TRAPPC9: variants seen among roughly 807,000 people sequenced by gnomAD.
TRAPPC9 encodes the protein IKK2 binding protein.
A neutral mutation model predicts 124.0 loss-of-function variants in TRAPPC9; 83 were observed. The observed-to-expected ratio is 0.67, with a 90% confidence interval of 0.56 to 0.80. The LOEUF (loss-of-function observed/expected upper bound fraction) is 0.80. Ranked by LOEUF, TRAPPC9 falls within the 30% of genes least tolerant of loss-of-function variation. The pLI, the probability that TRAPPC9 is intolerant of heterozygous loss-of-function variation, is 0.00. For missense variants in TRAPPC9, 1,302 were observed against 1,508.3 expected (o/e 0.86, Z 2.27); for synonymous variants, 638 against 617.5 (o/e 1.03, Z -0.49).
At chr8:140,028,088 A>C (rs1348606684) in intron 17 of TRAPPC9, among the ~76,000 whole-genome samples, 1 of 152,158 alleles carries the variant, frequency 6.6e-6, no homozygotes, top group Non-Finnish European at 1.5e-5. Context: ...AACCAGAAAT[A>C]ACAAAAAAAG....
chr8:140,323,120 G>A (rs2066641575), intron 9 of TRAPPC9, among the ~76,000 whole-genome samples: 1 of 152,158 alleles, frequency 6.6e-6, no homozygotes, highest in South Asian at 2.1e-4. Context: ...GTGGTCTAAC[G>A]AGTCATGGCT....
intron 18 of TRAPPC9, among the ~76,000 whole-genome samples, chr8:139,991,478 C>A (rs1432112149): frequency 2.0e-5 from 3 of 152,146 alleles, no homozygotes; most frequent in African/African-American, 7.2e-5. Flanking sequence ...TTTGTGCCAT[C>A]ATAATGTCAT....
intron 19 of TRAPPC9, among the ~76,000 whole-genome samples, chr8:139,949,981 T>A (rs1834533886): frequency 6.6e-6 from 1 of 152,224 alleles, no homozygotes; most frequent in South Asian, 2.1e-4. Context: ...TATAAATAAC[T>A]CTGCCCCACC....
At chr8:140,399,881 G>T (rs185915541) in intron 6 of TRAPPC9, among the ~76,000 whole-genome samples, 8 of 152,334 alleles carry the variant, frequency 5.3e-5, no homozygotes, top group Non-Finnish European at 8.8e-5. Flanking sequence ...ATCTTAAATT[G>T]TACTCCCACA....
chr8:139,844,834 G>T (rs78560302), intron 21 of TRAPPC9, among the ~76,000 whole-genome samples: 1 of 152,182 alleles, frequency 6.6e-6, no homozygotes, highest in African/African-American at 2.4e-5. Context: ...TTACAAATGC[G>T]ATGCCTTTGC....
intron 21 of TRAPPC9, among the ~76,000 whole-genome samples, chr8:139,766,442 C>A (rs185394955): frequency 6.1e-4 from 93 of 152,360 alleles, no homozygotes; most frequent in African/African-American, 2.2e-3. Context: ...TGGCTGTGCT[C>A]TGGGAGCCTC....
At chr8:140,054,101 T>A (rs1019510346) in intron 17 of TRAPPC9, among the ~76,000 whole-genome samples, 1 of 152,174 alleles carries the variant, frequency 6.6e-6, no homozygotes, top group African/African-American at 2.4e-5. Context: ...TGTTTTCACT[T>A]AAAAGTGGAA....
intron 21 of TRAPPC9, among the ~76,000 whole-genome samples, chr8:139,829,784 C>T (rs1825855257): frequency 6.6e-6 from 1 of 152,242 alleles, no homozygotes; most frequent in Admixed American, 6.5e-5. Flanking sequence ...TCCTTACTGT[C>T]TCTAGCGATG....
intron 2 of TRAPPC9, among the ~76,000 whole-genome samples, chr8:140,447,243 C>T (rs1290720259): frequency 6.6e-6 from 1 of 152,112 alleles, no homozygotes; most frequent in African/African-American, 2.4e-5. Flanking sequence ...TTTTAGCAAA[C>T]ACCAAACGCC....
intron 19 of TRAPPC9, among the ~76,000 whole-genome samples, chr8:139,969,787 T>A (rs1447955132): frequency 6.6e-6 from 1 of 152,228 alleles, no homozygotes. Flanking sequence ...ATTGTGTCTA[T>A]CTTGGGGAGT....
At chr8:140,126,070 C>T (rs1312919767) in intron 17 of TRAPPC9, among the ~76,000 whole-genome samples, 1 of 152,086 alleles carries the variant, frequency 6.6e-6, no homozygotes, top group Non-Finnish European at 1.5e-5. Flanking sequence ...CAGCACCAAG[C>T]CTGTCAAATC....
chr8:140,242,665 A>G (rs1383171549), intron 16 of TRAPPC9, among the ~76,000 whole-genome samples: 1 of 152,258 alleles, frequency 6.6e-6, no homozygotes, highest in East Asian at 1.9e-4. Flanking sequence ...CAGAGTCATT[A>G]CCATCATGTT....
At chr8:139,844,142 T>C (rs186750838) in intron 21 of TRAPPC9, among the ~76,000 whole-genome samples, 6 of 152,328 alleles carry the variant, frequency 3.9e-5, no homozygotes, top group Admixed American at 3.3e-4. Context: ...ATAGAGTGGC[T>C]TTCATCAAGG....
chr8:139,872,685 T>C (rs1182836113), intron 21 of TRAPPC9, among the ~76,000 whole-genome samples: 3 of 141,544 alleles, frequency 2.1e-5, no homozygotes, highest in Non-Finnish European at 4.6e-5. Context: ...GGTGGATGGG[T>C]TGGTGGGTAG....
At chr8:140,433,673 C>T (rs754342251) in intron 4 of TRAPPC9, among the ~76,000 whole-genome samples, 1 of 152,172 alleles carries the variant, frequency 6.6e-6, no homozygotes, top group Non-Finnish European at 1.5e-5. Flanking sequence ...GGAAAAGTAA[C>T]TGATGTCAAA....
Position 140,216,287 on chromosome 8 carries a change from C to T in TRAPPC9, c.2556+5172G>A, listed in dbSNP as rs187313332. Among the ~76,000 whole-genome samples, 14 of 152,214 alleles carry T rather than the reference C, an allele frequency of 9.2e-5. 1 individual carries two copies. The highest frequency in any genetic ancestry group is 3.1e-4 in the African/African-American group (13 of 41,540). The stretch of plus-strand genomic sequence containing the variant: ...TAATCATTACATTTAAATACATGTA[C>T]GAACATTCATCTCTATCTATATACA... On this transcript the variant is annotated intron_variant, in intron 17 of 22. Coordinates refer to ENST00000438773, the MANE Select transcript of TRAPPC9 (RefSeq NM_001160372.4). The surrounding 1 kb of genome is among the most constrained non-coding windows in gnomAD (Gnocchi z 4.1).
intron 20 of TRAPPC9, among the ~76,000 whole-genome samples, chr8:139,903,776 C>T (rs1392137580): frequency 6.6e-6 from 1 of 152,156 alleles, no homozygotes; most frequent in African/African-American, 2.4e-5. Flanking sequence ...CATGGTGGCT[C>T]ACACCTATAA....
intron 11 of TRAPPC9, among the ~76,000 whole-genome samples, chr8:140,297,361 T>TACACACACACACAC (rs1376733883): frequency 1.3e-5 from 2 of 151,450 alleles, no homozygotes; most frequent in African/African-American, 2.4e-5. Context: ...CACACACACA[T>TACACACACACACAC]ACACGCATAC....
At chr8:140,385,853 A>T in intron 7 of TRAPPC9, among the ~76,000 whole-genome samples, 1 of 152,212 alleles carries the variant, frequency 6.6e-6, no homozygotes, top group East Asian at 1.9e-4. Context: ...AGCCTGGCAG[A>T]GACACAACAA....
Sources: allele counts gnomAD v4.1 joint callset (sites outside exome capture counted in the v4.1 genomes callset), GRCh38; gene constraint gnomAD v4.1.1; non-coding constraint Gnocchi (gnomAD v3.1); transcripts MANE v1.5; gene names NCBI Gene and HGNC (gene_info 2026-07-23, HGNC 2026-07-21).